The following CACHD1 variants were observed in gnomAD, a reference collection of about 807,000 sequenced individuals.
CACHD1 encodes cache domain containing 1.
CACHD1 carries 71 observed loss-of-function variants against 138.7 expected under a neutral mutation model. The ratio of observed to expected loss-of-function variants is 0.51; its 90% CI spans 0.42 to 0.62. The LOEUF (loss-of-function observed/expected upper bound fraction) is 0.62, where lower values mean the gene tolerates loss of function less well. CACHD1 is among the 20% of genes least tolerant of loss of function. The probability of loss-of-function intolerance (pLI) is 0.00; values close to 1 mark genes in which losing one functional copy is unlikely to be tolerated. For synonymous variants in CACHD1, 578 were observed against 591.5 expected, an observed-to-expected ratio of 0.98 and a Z score of 0.33; for missense variants, 1,389 against 1,625.3, an observed-to-expected ratio of 0.85 and a Z score of 2.50.
intron 1 of CACHD1, among the ~76,000 whole-genome samples, chr1:64,501,881 G>A (rs141972402): frequency 1.3e-5 from 2 of 151,960 alleles, no homozygotes; most frequent in East Asian, 3.9e-4. Context: ...ATGCCTCTTT[G>A]CTGGCACCTA....
At chr1:64,691,263 G>A (rs1174625208) in intron 26 of CACHD1, 60 bp from the exon 27 acceptor site, 11 of 1,515,634 alleles carry the variant, frequency 7.3e-6, no homozygotes, top group Admixed American at 5.1e-5. Flanking sequence ...AATTGTAGGT[G>A]AAATCTTCTG....
At chr1:64,620,637 G>A (rs1647878955) in intron 4 of CACHD1, among the ~76,000 whole-genome samples, 3 of 151,972 alleles carry the variant, frequency 2.0e-5, no homozygotes, top group South Asian at 2.1e-4. Context: ...TTGAAATATC[G>A]TGTATACTCA....
intron 24 of CACHD1, 40 bp downstream of exon 24, chr1:64,679,796 G>T: frequency 6.2e-7 from 1 of 1,606,888 alleles, no homozygotes; most frequent in South Asian, 1.1e-5. Context: ...GCAGCAGCCA[G>T]GCTAGAAGGA....
At chr1:64,663,573 A>G in intron 13 of CACHD1, 122 bp from the exon 14 acceptor site, 2 of 1,224,874 alleles carry the variant, frequency 1.6e-6, no homozygotes, top group Non-Finnish European at 1.1e-6. Context: ...AAAGAAAAAA[A>G]GGAAAAAAAA....
In CACHD1 at chr1:64,643,017, G is replaced by A. The variant is rs540003205; in HGVS notation, c.1156+1048G>A. Reference sequence around the variant, plus strand: ...TTGCAGCACTGCACCCCAGCCTGGTGACAGAGCAAGACTCTGTCTAAAAAA... The same window carrying A: ...TTGCAGCACTGCACCCCAGCCTGGTAACAGAGCAAGACTCTGTCTAAAAAA... On this transcript the variant is annotated intron_variant, in intron 8 of 26. Coordinates refer to ENST00000651257, the MANE Select transcript of CACHD1 (RefSeq NM_020925.4). Among the ~76,000 whole-genome samples, 200 of 113,826 alleles carry A rather than the reference G, an allele frequency of 1.8e-3. 1 individual carries two copies. Among genetic ancestry groups the A allele is most frequent in the African/African-American group, 6.6e-3 (192 of 29,286 alleles). 74.7% of individuals were successfully genotyped at this position (113,826 alleles called of 152,430 possible). A position where few individuals can be genotyped will look rare whatever the true frequency, so the allele number is the denominator to read the frequency against.
chr1:64,563,415 G>A lies in CACHD1; in HGVS notation c.261+12759G>A, dbSNP rs1372109367. On this transcript the variant is annotated intron_variant, in intron 2 of 26. Coordinates refer to ENST00000651257, the MANE Select transcript of CACHD1 (RefSeq NM_020925.4). The stretch of plus-strand genomic sequence containing the variant: ...ACATGAAGAATTGGAAAAGGTCAAA[G>A]CAATGAACTAGAATTCACCTGAAAG... 3.3e-5 allele frequency among the ~76,000 whole-genome samples: 5 copies of A among 152,106 alleles called. No individual in the cohort carries two copies. The East Asian group carries it at 7.7e-4, about 23-fold the overall frequency.
At chr1:64,511,147 A>G (rs1030940319) in intron 1 of CACHD1, among the ~76,000 whole-genome samples, 2 of 152,240 alleles carry the variant, frequency 1.3e-5, no homozygotes, top group African/African-American at 4.8e-5. Context: ...TACGGTATGT[A>G]GTAGGTTTGC....
intron 3 of CACHD1, among the ~76,000 whole-genome samples, chr1:64,589,363 G>A (rs932700081): frequency 6.6e-6 from 1 of 152,078 alleles, no homozygotes; most frequent in African/African-American, 2.4e-5. Flanking sequence ...AAAGCAATTA[G>A]CATTAGGTTT....
intron 4 of CACHD1, among the ~76,000 whole-genome samples, chr1:64,610,439 G>A (rs368796174): frequency 1.3e-5 from 2 of 152,200 alleles, no homozygotes; most frequent in Non-Finnish European, 2.9e-5. Flanking sequence ...TACAATGGGG[G>A]TACAGGCATT....
At chr1:64,561,334 A>G (rs903725100) in intron 2 of CACHD1, among the ~76,000 whole-genome samples, 12 of 152,168 alleles carry the variant, frequency 7.9e-5, no homozygotes, top group African/African-American at 2.9e-4. Flanking sequence ...CGTATATTAC[A>G]AACTGCACAA....
intron 2 of CACHD1, among the ~76,000 whole-genome samples, chr1:64,557,172 G>C (rs1262059373): frequency 6.6e-6 from 1 of 151,198 alleles, no homozygotes; most frequent in Non-Finnish European, 1.5e-5. Flanking sequence ...ATTATATAAA[G>C]TTGAACTTGA....
At chr1:64,532,627 A>G (rs1037847499) in intron 1 of CACHD1, among the ~76,000 whole-genome samples, 2 of 152,144 alleles carry the variant, frequency 1.3e-5, no homozygotes, top group African/African-American at 4.8e-5. Context: ...AGAAGGGCCA[A>G]GGACTGGGGA....
intron 26 of CACHD1, among the ~76,000 whole-genome samples, chr1:64,684,764 A>G (rs1454108339): frequency 1.3e-5 from 2 of 152,028 alleles, no homozygotes; most frequent in Admixed American, 6.6e-5. Context: ...TGCAAGCTCC[A>G]TTTATGGTAA....
chr1:64,500,819 G>A (rs1006033529), intron 1 of CACHD1, among the ~76,000 whole-genome samples: 12 of 151,484 alleles, frequency 7.9e-5, no homozygotes, highest in African/African-American at 1.2e-4. Flanking sequence ...AGGCCAAAGC[G>A]GGTGGATCAC....
At chr1:64,616,755 G>A (rs1021552415) in intron 4 of CACHD1, among the ~76,000 whole-genome samples, 2 of 152,110 alleles carry the variant, frequency 1.3e-5, no homozygotes, top group African/African-American at 4.8e-5. Context: ...GGAAGGAAGT[G>A]TAGTTAGCCT....
At position 64,588,279 on chromosome 1, in the gene CACHD1, A is replaced by G. The variant is rs185499804; in HGVS notation, c.410+5975A>G. 4.9e-4 allele frequency among the ~76,000 whole-genome samples: 74 copies of G among 152,186 alleles called. 1 individual carries two copies. Among genetic ancestry groups the G allele is most frequent in the Middle Eastern group, 6.8e-3 (2 of 294 alleles). ...ATTCTCTCAAGTTTTAAAGAATATA[A>G]CTCCTTTAGGCATAACACTAAGAAT... On this transcript the variant is annotated intron_variant, in intron 3 of 26. Transcript: ENST00000651257.
Position 64,692,657 on chromosome 1 carries a change from G to A in CACHD1, c.*1096G>A, listed in dbSNP as rs1437294155. ...AAAGAATTTTTTTTTTAATATCACG[G>A]TTAAAAGCTGCTGCCAGTTAGCCAA... On this transcript the variant is annotated 3_prime_UTR_variant, in exon 27 of 27. Coordinates refer to ENST00000651257, the MANE Select transcript of CACHD1 (RefSeq NM_020925.4). 2.0e-5 allele frequency: 3 copies of A among 152,042 alleles called. No individual in the cohort carries two copies. Among genetic ancestry groups the A allele is most frequent in the African/African-American group, 7.2e-5 (3 of 41,390 alleles). 9.4% of individuals were successfully genotyped at this position (152,042 alleles called of 1,614,324 possible).
In CACHD1 at chr1:64,652,308, A is replaced by C; in HGVS notation, c.1538A>C (p.Lys513Thr). Residue 513 changes from lysine (K) to threonine (T), a missense_variant and splice_region_variant, in exon 10 of 27, where the codon AAA (lysine) becomes ACA (threonine). Physicochemically the swap from Lys to Thr is moderately conservative, Grantham distance 78. Around this residue, in one of 5 missense-constraint regions of CACHD1, gnomAD observed 1,000 missense variants for 1,114.7 expected, o/e 0.90. Transcript: ENST00000651257. ...TCCTATACTTTTCTCATAGACGACAAAGGTAATCTGCTAAATGTTCATCCT... is the reference window on the plus strand; with the variant it reads ...TCCTATACTTTTCTCATAGACGACACAGGTAATCTGCTAAATGTTCATCCT... ...LASYTFLIDD[K>T]GYTLMHPSLT... 6.2e-7 allele frequency: 1 copy of C among 1,604,260 alleles called. No homozygotes were observed. The highest frequency in any genetic ancestry group is 8.5e-7 in the Non-Finnish European group (1 of 1,177,152).
chr1:64,641,006 T>C (rs1162170984), intron 7 of CACHD1, among the ~76,000 whole-genome samples: 1 of 152,136 alleles, frequency 6.6e-6, no homozygotes, highest in Non-Finnish European at 1.5e-5. Flanking sequence ...TCAGGGGTGC[T>C]CCTTCAATCC....
Sources: gnomAD v4.1 joint callset for allele counts (sites outside exome capture counted in the v4.1 genomes callset) on GRCh38, gnomAD v4.1.1 for gene constraint, gnomAD v4.1.1 regional missense constraint, MANE v1.5 for transcripts, NCBI Gene and HGNC (gene_info 2026-07-23, HGNC 2026-07-21) for gene names.